The following PPFIA2 variants were observed in gnomAD, a reference collection of about 807,000 sequenced individuals.
The protein encoded by PPFIA2 is liprin-alpha-2.
PPFIA2 carries 46 observed loss-of-function variants against 175.5 expected under a neutral mutation model. That is an observed-to-expected ratio of 0.26 (90% CI 0.21 to 0.34). PPFIA2 has a LOEUF of 0.34. Ranked by LOEUF, PPFIA2 falls within the 10% of genes least tolerant of loss-of-function variation. PPFIA2 has a pLI of 1.00. For missense variants in PPFIA2, 1,179 were observed against 1,506.1 expected (o/e 0.78, Z 3.60); for synonymous variants, 568 against 511.4 (o/e 1.11, Z -1.49).
At chr12:81,399,922 G>A (rs562478665) in intron 8 of PPFIA2, among the ~76,000 whole-genome samples, 2 of 152,234 alleles carry the variant, frequency 1.3e-5, no homozygotes, top group African/African-American at 4.8e-5. Flanking sequence ...CATAAAATGA[G>A]CTACAGTTGA....
chr12:81,708,694 G>A (rs1167167845), intron 3 of PPFIA2, among the ~76,000 whole-genome samples: 2 of 152,126 alleles, frequency 1.3e-5, no homozygotes, highest in Non-Finnish European at 1.5e-5. Flanking sequence ...TAACACAGCT[G>A]TTAAAATGCA....
intron 4 of PPFIA2, among the ~76,000 whole-genome samples, chr12:81,617,752 A>G (rs1297926608): frequency 6.6e-6 from 1 of 152,246 alleles, no homozygotes; most frequent in Non-Finnish European, 1.5e-5. Context: ...TGTCATTGAT[A>G]CATAAAAGAC....
At chr12:81,690,434 AT>A (rs2075093899) in intron 3 of PPFIA2, among the ~76,000 whole-genome samples, 2 of 151,978 alleles carry the variant, frequency 1.3e-5, no homozygotes, top group Non-Finnish European at 2.9e-5. Context: ...GAATTTCAGG[AT>A]TTTTCGCATC....
At chr12:81,395,260 A>G (rs535868477) in intron 8 of PPFIA2, among the ~76,000 whole-genome samples, 1 of 152,224 alleles carries the variant, frequency 6.6e-6, no homozygotes, top group South Asian at 2.1e-4. Context: ...ATCTAATCAT[A>G]TATAAGATCT....
chr12:81,573,775 A>C (rs1487331453), intron 4 of PPFIA2, among the ~76,000 whole-genome samples: 2 of 151,926 alleles, frequency 1.3e-5, no homozygotes, highest in African/African-American at 4.8e-5. Flanking sequence ...ACAGCAGTTA[A>C]TCCTAGTCCT....
At chr12:81,477,719 A>G (rs1476368399) in intron 4 of PPFIA2, among the ~76,000 whole-genome samples, 2 of 152,180 alleles carry the variant, frequency 1.3e-5, no homozygotes, top group African/African-American at 4.8e-5. Flanking sequence ...TGATTTGCAT[A>G]TGTTGAACCA....
chr12:81,364,911 G>C (rs2032610207), intron 14 of PPFIA2, among the ~76,000 whole-genome samples: 1 of 151,768 alleles, frequency 6.6e-6, no homozygotes, highest in Non-Finnish European at 1.5e-5. Flanking sequence ...AAGACTGCTG[G>C]TGTGTTAGGT....
rs552249201 is a variant in PPFIA2 at position 81,425,870 on chromosome 12, A to G, written c.645+14102T>C. ...CAACATGTTATTAATTCATAATATG[A>G]GAGATCTATCAGCACTATTTGTAAA... On this transcript the variant is annotated intron_variant, in intron 7 of 32. Coordinates refer to ENST00000549396, the MANE Select transcript of PPFIA2 (RefSeq NM_003625.5). Among the ~76,000 whole-genome samples, 19 of 152,316 alleles carry G rather than the reference A, an allele frequency of 1.2e-4. 1 individual carries two copies. In the South Asian group the frequency reaches 3.3e-3, roughly 27 times the overall value.
chr12:81,390,210 C>T (rs2039860173), intron 8 of PPFIA2, among the ~76,000 whole-genome samples: 1 of 152,002 alleles, frequency 6.6e-6, no homozygotes, highest in African/African-American at 2.4e-5. Flanking sequence ...AACGTTGTGT[C>T]CACCTTTTGG....
chr12:81,694,512 C>T (rs1484721509), intron 3 of PPFIA2, among the ~76,000 whole-genome samples: 1 of 152,134 alleles, frequency 6.6e-6, no homozygotes, highest in African/African-American at 2.4e-5. Context: ...GTACAGAGTA[C>T]AGGAGTGAAT....
Position 81,375,601 on chromosome 12 carries a change from T to C in PPFIA2, c.1131+195A>G, listed in dbSNP as rs574612906. 70 of 617,260 alleles carry C rather than the reference T, an allele frequency of 1.1e-4. No individual in the cohort carries two copies. In the African/African-American group the frequency reaches 1.2e-3, roughly 11 times the overall value. 38.2% of individuals were successfully genotyped at this position (617,260 alleles called of 1,614,324 possible). A position where few individuals can be genotyped will look rare whatever the true frequency, so the allele number is the denominator to read the frequency against. ...AAATCAGAGTCATTATTTGTATTAC[T>C]ATTAAGATAAATAATTTATCTTTCT... On this transcript the variant is annotated intron_variant, in intron 10 of 32. Transcript: ENST00000549396.
intron 4 of PPFIA2, among the ~76,000 whole-genome samples, chr12:81,591,592 T>C (rs1271782490): frequency 1.3e-5 from 2 of 152,130 alleles, no homozygotes; most frequent in Non-Finnish European, 2.9e-5. Context: ...GTCTAGGGAC[T>C]TGGTGCCCTA....
intron 3 of PPFIA2, among the ~76,000 whole-genome samples, chr12:81,697,601 T>C (rs1164846344): frequency 2.0e-5 from 3 of 152,144 alleles, no homozygotes; most frequent in African/African-American, 7.2e-5. Flanking sequence ...AGTAATAACA[T>C]TCGTCCAGAA....
At chr12:81,676,913 T>G in intron 3 of PPFIA2, 69 bp from the exon 4 acceptor site, 2 of 1,151,622 alleles carry the variant, frequency 1.7e-6, no homozygotes, top group Admixed American at 6.2e-5. Context: ...AGTCCCACAG[T>G]GTAATAATTT....
rs1000276556 is a variant in PPFIA2, at chr12:81,449,633, C to CT, written c.406-3914dup. 7.9e-5 allele frequency among the ~76,000 whole-genome samples: 12 copies of CT among 151,896 alleles called. No homozygotes were observed. The East Asian group carries it at 1.5e-3, about 20-fold the overall frequency. ...TATAGAATGGTTAAATAAGCCAAGA[C>CT]TTTTTTTTATTTTTTATTATTATAC... On this transcript the variant is annotated intron_variant, in intron 5 of 32. Coordinates refer to ENST00000549396, the MANE Select transcript of PPFIA2 (RefSeq NM_003625.5).
At chr12:81,470,654 G>T in intron 4 of PPFIA2, among the ~76,000 whole-genome samples, 1 of 152,024 alleles carries the variant, frequency 6.6e-6, no homozygotes, top group East Asian at 1.9e-4. Context: ...ATATCTAAAA[G>T]GTGGAAACAA....
intron 17 of PPFIA2, among the ~76,000 whole-genome samples, chr12:81,351,014 T>C (rs1038713675): frequency 3.9e-5 from 6 of 152,146 alleles, no homozygotes; most frequent in African/African-American, 1.4e-4. Flanking sequence ...CACAATTGGG[T>C]TCATCACTGG....
At chr12:81,696,601 G>A (rs1401500741) in intron 3 of PPFIA2, among the ~76,000 whole-genome samples, 2 of 151,992 alleles carry the variant, frequency 1.3e-5, no homozygotes, top group African/African-American at 4.8e-5. Context: ...AGATCGAATG[G>A]GGACCTCATT....
chr12:81,747,691 C>G (rs2083245878), intron 3 of PPFIA2, among the ~76,000 whole-genome samples: 1 of 144,062 alleles, frequency 6.9e-6, no homozygotes, highest in South Asian at 2.3e-4. Flanking sequence ...TTGAAGTAAG[C>G]ACTTTGACCA....
Sources: gnomAD v4.1 joint callset for allele counts (sites outside exome capture counted in the v4.1 genomes callset) on GRCh38, gnomAD v4.1.1 for gene constraint, MANE v1.5 for transcripts, NCBI Gene and HGNC (gene_info 2026-07-23, HGNC 2026-07-21) for gene names.